CD8B: variants seen among roughly 807,000 people sequenced by gnomAD.
The protein encoded by CD8B is CD8 subunit beta.
In CD8B, 6 loss-of-function variants were observed where a neutral mutation model predicts 24.2. The ratio of observed to expected loss-of-function variants is 0.25; its 90% CI spans 0.14 to 0.49. The LOEUF is 0.49. Ranked by LOEUF, CD8B falls within the 20% of genes least tolerant of loss-of-function variation. The pLI is 0.98. For missense variants in CD8B, 196 were observed against 271.3 expected, an observed-to-expected ratio of 0.72 and a Z score of 1.95; for synonymous variants, 84 against 108.3, an observed-to-expected ratio of 0.78 and a Z score of 1.39.
chr2:86,820,404 C>T (rs555742174), intron 5 of CD8B, among the ~76,000 whole-genome samples: 70 of 152,336 alleles, frequency 4.6e-4, no homozygotes, highest in African/African-American at 1.6e-3. Context: ...TTGGCAACCA[C>T]CATTCTGATC....
intron 5 of CD8B, among the ~76,000 whole-genome samples, chr2:86,824,281 G>A (rs1018934073): frequency 2.0e-5 from 3 of 152,144 alleles, no homozygotes; most frequent in Admixed American, 6.5e-5. Context: ...GCAAGGCTGA[G>A]GCTCAGATCA....
rs550647067 is a variant in CD8B, at chr2:86,831,196, A to G, written c.620+13726T>C. On this transcript the variant is annotated intron_variant, in intron 5 of 5. Transcript: ENST00000331469. ...GAGATTCTCCTGCCTCAGACTTCCA[A>G]TCGCTGGGATTATAGGCACCTGCCA... 1.1e-4 allele frequency among the ~76,000 whole-genome samples: 16 copies of G among 152,274 alleles called. No homozygotes were observed. In the East Asian group the frequency reaches 1.7e-3, roughly 17 times the overall value.
Position 86,841,794 on chromosome 2 carries a change from T to C in CD8B, c.*513A>G, listed in dbSNP as rs1675438352. The C allele has an allele frequency of 4.1e-6, 4 of 985,788 alleles. No individual in the cohort carries two copies. The highest frequency in any genetic ancestry group is 4.8e-6 in the Non-Finnish European group (4 of 830,232). The allele number at this position is 985,788 out of a possible 1,614,324, so 61.1% of individuals were successfully genotyped here. A position where few individuals can be genotyped will look rare whatever the true frequency, so the allele number is the denominator to read the frequency against. ...GAAGCCCTCAGAGACTGATATGCCTTCTGGGAACTGGACAGCCCCTCTCAG... is the reference window on the plus strand; with the variant it reads ...GAAGCCCTCAGAGACTGATATGCCTCCTGGGAACTGGACAGCCCCTCTCAG... On this transcript the variant is annotated 3_prime_UTR_variant, in exon 6 of 6. Coordinates refer to ENST00000390655, the MANE Select transcript of CD8B (RefSeq NM_004931.5).
At chr2:86,857,979 A>T in intron 2 of CD8B, 78 bp downstream of exon 2, 1 of 1,451,888 alleles carries the variant, frequency 6.9e-7, no homozygotes, top group East Asian at 2.3e-5. Flanking sequence ...GGGCACACTG[A>T]AGCCTGGTGG....
downstream of CD8B, among the ~76,000 whole-genome samples, chr2:86,834,011 G>T (rs1675066246): frequency 6.6e-6 from 1 of 152,114 alleles, no homozygotes; most frequent in Non-Finnish European, 1.5e-5. Context: ...TAGATAGACA[G>T]CAACTTATTA....
intron 5 of CD8B, among the ~76,000 whole-genome samples, chr2:86,832,032 G>T (rs990073177): frequency 6.6e-6 from 1 of 152,158 alleles, no homozygotes; most frequent in African/African-American, 2.4e-5. Context: ...AGTGGGAAAG[G>T]GTCTTAATTG....
chr2:86,824,703 C>T (rs1364306064), intron 5 of CD8B, among the ~76,000 whole-genome samples: 1 of 152,116 alleles, frequency 6.6e-6, no homozygotes, highest in Non-Finnish European at 1.5e-5. Flanking sequence ...GTTCTAGTCC[C>T]TCCAGAGCAC....
At chr2:86,849,834 G>A (rs1040546678) in intron 3 of CD8B, among the ~76,000 whole-genome samples, 18 of 151,290 alleles carry the variant, frequency 1.2e-4, no homozygotes, top group South Asian at 2.1e-4. Context: ...CTCCTAAGTC[G>A]TTGGGATTAC....
At chr2:86,834,611 G>A (rs1020649767), downstream of CD8B, among the ~76,000 whole-genome samples, 1 of 152,100 alleles carries the variant, frequency 6.6e-6, no homozygotes, top group Admixed American at 6.5e-5. Context: ...GAACAGCCCT[G>A]TATGTCACAA....
rs933651329 is a variant in CD8B at position 86,821,824 on chromosome 2, C to T, written c.621-6106G>A. On this transcript the variant is annotated intron_variant, in intron 5 of 5. Coordinates refer to the CD8B transcript ENST00000331469. Reference sequence around the variant, plus strand: ...TCTCCAAAGGGAATGTTCCGAGCCCCCTGCTTCCTCCACCCTTCTCTTCCC... The same window carrying T: ...TCTCCAAAGGGAATGTTCCGAGCCCTCTGCTTCCTCCACCCTTCTCTTCCC... 4 of 333,782 alleles carry T rather than the reference C, an allele frequency of 1.2e-5. No homozygotes were observed. In the East Asian group the frequency reaches 3.9e-4, roughly 32 times the overall value. The allele number at this position is 333,782 out of a possible 1,614,324, so 20.7% of individuals were successfully genotyped here. A position where few individuals can be genotyped will look rare whatever the true frequency, so the allele number is the denominator to read the frequency against.
At chr2:86,854,366 T>C (rs1030214462) in intron 2 of CD8B, among the ~76,000 whole-genome samples, 1 of 152,122 alleles carries the variant, frequency 6.6e-6, no homozygotes, top group Admixed American at 6.5e-5. Flanking sequence ...GGTGTCATAT[T>C]TGGGGATTGG....
chr2:86,853,830 A>G (rs942916489), intron 2 of CD8B, among the ~76,000 whole-genome samples: 13 of 152,028 alleles, frequency 8.6e-5, no homozygotes, highest in African/African-American at 3.1e-4. Flanking sequence ...CTCAGCCTCC[A>G]GAGTAGCTGG....
Position 86,858,315 on chromosome 2 carries a change from T to C in CD8B, c.145A>G (p.Asn49Asp). The change falls in exon 2 of 6, where the codon AAC (asparagine) becomes GAC (aspartate). Residue 49 changes from asparagine to aspartate, a missense_variant. Asn to Asp is a conservative substitution (Grantham distance 23). Transcript: ENST00000390655. ...LSCEAKISLS[N>D]MRIYWLRQRQ... is the part of the protein sequence containing the mutation. ...TGTCTCAGCCAGTAGATGCGCATGTTACTGAGGGAGATTTTAGCCTCGCAG... is the reference window on the plus strand; with the variant it reads ...TGTCTCAGCCAGTAGATGCGCATGTCACTGAGGGAGATTTTAGCCTCGCAG... 6.2e-7 allele frequency: 1 copy of C among 1,613,984 alleles called. No homozygotes were observed. The highest frequency in any genetic ancestry group is 8.5e-7 in the Non-Finnish European group (1 of 1,179,866).
intron 3 of CD8B, among the ~76,000 whole-genome samples, chr2:86,851,235 A>T (rs1675961388): frequency 6.6e-6 from 1 of 152,100 alleles, no homozygotes; most frequent in Non-Finnish European, 1.5e-5. Context: ...TTGCTTCTCG[A>T]ATTTAGTGCT....
chr2:86,821,620 C>T (rs1224762582), intron 5 of CD8B: 5 of 285,368 alleles, frequency 1.8e-5, no homozygotes, highest in Non-Finnish European at 3.1e-5. Context: ...TGACTGAAGA[C>T]ACTCGGGGGC....
In CD8B at chr2:86,842,301, C is replaced by T; in HGVS notation, c.*6G>A. On this transcript the variant is annotated 3_prime_UTR_variant, in exon 6 of 6. Transcript: ENST00000390655. ...TGTAGCAGGACACCAAAACCGTATTCTCTGCTCATTTGTAAAATCTGAAAA... is the reference window on the plus strand; with the variant it reads ...TGTAGCAGGACACCAAAACCGTATTTTCTGCTCATTTGTAAAATCTGAAAA... The T allele has an allele frequency of 6.3e-7, 1 of 1,591,008 alleles. No individual in the cohort carries two copies. The highest frequency in any genetic ancestry group is 8.5e-7 in the Non-Finnish European group (1 of 1,170,722).
At chr2:86,847,755 G>A (rs185161408) in intron 3 of CD8B, among the ~76,000 whole-genome samples, 84 of 152,078 alleles carry the variant, frequency 5.5e-4, no homozygotes, top group African/African-American at 1.9e-3. Context: ...TAGTAGAGAC[G>A]GGGTTTCACC....
At position 86,858,167 on chromosome 2, in the gene CD8B, C is replaced by A. The variant is rs768017195; in HGVS notation, c.293G>T (p.Arg98Leu). 78 of 1,613,882 alleles carry A rather than the reference C, an allele frequency of 4.8e-5. 1 individual carries two copies. The highest frequency in any genetic ancestry group is 6.4e-5 in the Non-Finnish European group (75 of 1,179,880). Reference protein sequence around the residue: ...EKIAVFRDASRFILNLTSVKP... With the variant: ...EKIAVFRDASLFILNLTSVKP... ...CACGCTTGTGAGATTGAGAATGAAC[C>A]GGCTTGCATCCCGAAACACAGCTAT... The change falls in exon 2 of 6, where the codon CGG (arginine) becomes CTG (leucine). Residue 98 changes from arginine (R) to leucine (L), a missense_variant. Arg to Leu is a moderately radical substitution (Grantham distance 102, BLOSUM62 -2). Coordinates refer to ENST00000390655, the MANE Select transcript of CD8B (RefSeq NM_004931.5).
chr2:86,842,243 C>G lies in CD8B; in HGVS notation c.*64G>C. On this transcript the variant is annotated 3_prime_UTR_variant, in exon 6 of 6. Transcript: ENST00000390655. Reference sequence around the variant, plus strand: ...TGAATGTGTCCCTTCTCTCATTTTTCCACATCGTGCTCGTTACTGACCGAT... The same window carrying G: ...TGAATGTGTCCCTTCTCTCATTTTTGCACATCGTGCTCGTTACTGACCGAT... The G allele has an allele frequency of 6.6e-7, 1 of 1,524,402 alleles. No individual in the cohort carries two copies. The highest frequency in any genetic ancestry group is 2.2e-5 in the Admixed American group (1 of 45,924). The allele number at this position is 1,524,402 out of a possible 1,614,324, so 94.4% of individuals were successfully genotyped here.
Sources: allele counts gnomAD v4.1 joint callset (sites outside exome capture counted in the v4.1 genomes callset), GRCh38; gene constraint gnomAD v4.1.1; transcripts MANE v1.5; gene names NCBI Gene and HGNC (gene_info 2026-07-23, HGNC 2026-07-21).